The following FNDC3B variants were observed in gnomAD, a reference collection of about 807,000 sequenced individuals.
FNDC3B encodes fibronectin type III domain containing 3B, also known as fibronectin type III domain-containing protein 3B.
FNDC3B carries 12 observed loss-of-function variants against 151.5 expected under a neutral mutation model. That is an observed-to-expected ratio of 0.08 (90% CI 0.05 to 0.13). FNDC3B has a LOEUF of 0.13. FNDC3B is among the 10% of genes least tolerant of loss of function. The pLI, the probability that FNDC3B is intolerant of heterozygous loss-of-function variation, is 1.00. For missense variants in FNDC3B, 1,214 were observed against 1,505.3 expected (o/e 0.81, Z 3.20); for synonymous variants, 528 against 549.0 (o/e 0.96, Z 0.54).
intron 3 of FNDC3B, among the ~76,000 whole-genome samples, chr3:172,226,213 G>T (rs1726564510): frequency 6.7e-6 from 1 of 150,198 alleles, no homozygotes; most frequent in Admixed American, 6.7e-5. Context: ...GCTGAGGCAG[G>T]ATAATCGCTT....
At chr3:172,141,717 G>T (rs1016355484) in intron 3 of FNDC3B, among the ~76,000 whole-genome samples, 4 of 152,092 alleles carry the variant, frequency 2.6e-5, no homozygotes, top group Admixed American at 1.3e-4. Flanking sequence ...GGGCTTGGTG[G>T]TTGGCACCTG....
intron 2 of FNDC3B, among the ~76,000 whole-genome samples, chr3:172,123,918 A>G (rs2108558453): frequency 1.3e-5 from 2 of 152,356 alleles, no homozygotes; most frequent in South Asian, 4.1e-4. Flanking sequence ...GTCTGTTTTC[A>G]GGACACAGGG....
intron 8 of FNDC3B, among the ~76,000 whole-genome samples, chr3:172,297,023 T>C (rs1418752668): frequency 6.6e-6 from 1 of 152,028 alleles, no homozygotes; most frequent in African/African-American, 2.4e-5. Context: ...GCAGGTAACA[T>C]ACATGAGCAA....
At chr3:172,089,618 A>G (rs1718709029) in intron 1 of FNDC3B, among the ~76,000 whole-genome samples, 1 of 152,208 alleles carries the variant, frequency 6.6e-6, no homozygotes, top group South Asian at 2.1e-4. Flanking sequence ...TGCCATTAAT[A>G]TAATTTCAGT....
At chr3:172,198,296 T>C (rs1032343025) in intron 3 of FNDC3B, among the ~76,000 whole-genome samples, 2 of 152,196 alleles carry the variant, frequency 1.3e-5, no homozygotes, top group African/African-American at 4.8e-5. Context: ...CTGTTAGTAT[T>C]GCAGTTGTGC....
intron 1 of FNDC3B, among the ~76,000 whole-genome samples, chr3:172,100,407 T>C (rs1029050909): frequency 2.0e-5 from 3 of 152,224 alleles, no homozygotes; most frequent in Admixed American, 6.5e-5. Context: ...ATATACCAAT[T>C]ATCATTCTTA....
intron 3 of FNDC3B, among the ~76,000 whole-genome samples, chr3:172,137,152 G>T (rs993073314): frequency 2.6e-5 from 4 of 152,108 alleles, no homozygotes; most frequent in African/African-American, 9.7e-5. Flanking sequence ...GGACTGCTTT[G>T]TGGGGATTTC....
intron 25 of FNDC3B, among the ~76,000 whole-genome samples, chr3:172,395,096 A>G (rs1298388506): frequency 1.3e-5 from 2 of 152,180 alleles, no homozygotes; most frequent in East Asian, 3.8e-4. Context: ...GCTAACTCCT[A>G]CTGTGCACTA....
At chr3:172,193,942 C>T (rs1358855665) in intron 3 of FNDC3B, among the ~76,000 whole-genome samples, 6 of 152,054 alleles carry the variant, frequency 3.9e-5, no homozygotes, top group East Asian at 3.9e-4. Flanking sequence ...TAGTGGTGGT[C>T]GGGCGTGGTG....
chr3:172,346,202 A>T, intron 19 of FNDC3B, 125 bp from the exon 20 acceptor site: 1 of 472,280 alleles, frequency 2.1e-6, no homozygotes, highest in Non-Finnish European at 3.8e-6. Context: ...AATATTTGTT[A>T]ATTAGTTGTG....
At chr3:172,078,788 TG>T (rs1299797479) in intron 1 of FNDC3B, among the ~76,000 whole-genome samples, 6 of 152,338 alleles carry the variant, frequency 3.9e-5, no homozygotes, top group African/African-American at 1.4e-4. Context: ...TTGTGCTCAT[TG>T]GTTTGAGGGT....
intron 13 of FNDC3B, among the ~76,000 whole-genome samples, chr3:172,331,660 A>G (rs1393123269): frequency 1.3e-5 from 2 of 152,076 alleles, no homozygotes; most frequent in Admixed American, 6.5e-5. Flanking sequence ...GCACCCAGCC[A>G]GCCTCTAGTC....
intron 6 of FNDC3B, among the ~76,000 whole-genome samples, chr3:172,265,289 A>G (rs1728866941): frequency 6.6e-6 from 1 of 152,210 alleles, no homozygotes; most frequent in African/African-American, 2.4e-5. Flanking sequence ...GTATGCTAGA[A>G]TTTGTTTTGT....
chr3:172,302,600 G>A, intron 9 of FNDC3B: 1 of 152,102 alleles, frequency 6.6e-6, no homozygotes, highest in Non-Finnish European at 1.5e-5. Flanking sequence ...TCTCCTAGTG[G>A]TGATTGAGGA....
At chr3:172,156,463 C>T (rs1018050171) in intron 3 of FNDC3B, among the ~76,000 whole-genome samples, 2 of 152,192 alleles carry the variant, frequency 1.3e-5, no homozygotes, top group African/African-American at 4.8e-5. Context: ...CAGGTTGCTG[C>T]CTGAAGGCTG....
intron 4 of FNDC3B, among the ~76,000 whole-genome samples, chr3:172,241,831 A>G (rs886841048): frequency 6.6e-6 from 1 of 152,238 alleles, no homozygotes; most frequent in African/African-American, 2.4e-5. Flanking sequence ...ACAGTCCCTC[A>G]AAATCTTAAC....
At chr3:172,335,702 A>G (rs1732928108) in intron 15 of FNDC3B, 3 of 152,288 alleles carry the variant, frequency 2.0e-5, no homozygotes, top group African/African-American at 7.2e-5. Flanking sequence ...CTGTTGTGTG[A>G]ATTATTTCAA....
At chr3:172,377,551 C>A (rs1735216320) in intron 23 of FNDC3B, among the ~76,000 whole-genome samples, 1 of 152,146 alleles carries the variant, frequency 6.6e-6, no homozygotes. Context: ...CTTAACGTTT[C>A]ATGGAAATCT....
chr3:172,200,333 A>G (rs1725082696), intron 3 of FNDC3B, among the ~76,000 whole-genome samples: 1 of 152,222 alleles, frequency 6.6e-6, no homozygotes, highest in Non-Finnish European at 1.5e-5. Flanking sequence ...TCTCTTATCA[A>G]TGTTATCATG....
Sources: gnomAD v4.1 joint callset for allele counts (sites outside exome capture counted in the v4.1 genomes callset) on GRCh38, gnomAD v4.1.1 for gene constraint, MANE v1.5 for transcripts, NCBI Gene and HGNC (gene_info 2026-07-23, HGNC 2026-07-21) for gene names.